The following NELL1 variants were observed in gnomAD, a reference collection of about 807,000 sequenced individuals.
NELL1 encodes protein kinase C-binding protein NELL1.
Under a neutral mutation model 107.4 loss-of-function variants are expected in NELL1, and 76 were observed. The observed-to-expected ratio is 0.71, with a 90% CI of 0.59 to 0.86. NELL1 has a LOEUF of 0.86. Ranked by LOEUF, NELL1 falls within the 40% of genes least tolerant of loss-of-function variation. The pLI is 0.00. For synonymous variants in NELL1, 353 were observed against 341.2 expected (o/e 1.03, Z -0.38); for missense variants, 1,024 against 1,005.5 (o/e 1.02, Z -0.25).
Position 20,799,782 on chromosome 11 carries a change from G to A in NELL1, c.335+15952G>A, listed in dbSNP as rs7950218. 5.0e-3 allele frequency among the ~76,000 whole-genome samples: 759 copies of A among 152,196 alleles called. 5 individuals carry two copies. The highest frequency in any genetic ancestry group is 0.017 in the African/African-American group (718 of 41,512). On this transcript the variant is annotated intron_variant, in intron 3 of 19. Transcript: ENST00000357134. The stretch of plus-strand genomic sequence containing the variant: ...GGATATGGAGATATGAATGACTTTG[G>A]GATACAGATGGTCCCATCACCCATG...
intron 15 of NELL1, among the ~76,000 whole-genome samples, chr11:21,473,702 T>A (rs1447224426): frequency 6.6e-6 from 1 of 152,026 alleles, no homozygotes; most frequent in Non-Finnish European, 1.5e-5. Flanking sequence ...GCAAGATAAT[T>A]TGTATGCGAT....
chr11:20,724,884 G>A (rs531137425), intron 2 of NELL1, among the ~76,000 whole-genome samples: 49 of 152,274 alleles, frequency 3.2e-4, no homozygotes, highest in African/African-American at 1.2e-3. Context: ...ATAAAGAAAG[G>A]TTTAATTGAC....
At chr11:20,968,744 C>T (rs1264482948) in intron 12 of NELL1, among the ~76,000 whole-genome samples, 2 of 152,316 alleles carry the variant, frequency 1.3e-5, no homozygotes, top group South Asian at 4.1e-4. Context: ...CCCCTCAAAA[C>T]CATGATTCAG....
chr11:21,526,353 C>T (rs73469196), intron 15 of NELL1, among the ~76,000 whole-genome samples: 6,559 of 152,284 alleles, frequency 0.043, 467 homozygotes, highest in African/African-American at 0.15. Flanking sequence ...CACCCCTCTC[C>T]ACTAGCTGCT....
At chr11:20,672,765 G>A (rs886753991) in intron 1 of NELL1, among the ~76,000 whole-genome samples, 1 of 152,088 alleles carries the variant, frequency 6.6e-6, no homozygotes, top group East Asian at 1.9e-4. Flanking sequence ...GGTCACCAGG[G>A]CAGAGGGTGA....
intron 9 of NELL1, 114 bp from the exon 10 acceptor site, chr11:20,937,672 G>GCTCAGAAGCAGATT: frequency 1.3e-6 from 1 of 747,160 alleles, no homozygotes; most frequent in Non-Finnish European, 2.4e-6. Flanking sequence ...GATTTGTATT[G>GCTCAGAAGCAGATT]CTCAGAAGCA....
At chr11:21,146,507 G>A (rs1427349404) in intron 13 of NELL1, among the ~76,000 whole-genome samples, 2 of 152,182 alleles carry the variant, frequency 1.3e-5, no homozygotes, top group African/African-American at 2.4e-5. Flanking sequence ...GTGGTCGTAA[G>A]AGTGACACCA....
intron 3 of NELL1, among the ~76,000 whole-genome samples, chr11:20,810,020 C>T (rs1857465901): frequency 6.6e-6 from 1 of 152,102 alleles, no homozygotes; most frequent in Admixed American, 6.6e-5. Flanking sequence ...TCCTTGCCAG[C>T]ACTTGCTATC....
chr11:21,168,444 A>G (rs930357560), intron 13 of NELL1, among the ~76,000 whole-genome samples: 2 of 151,812 alleles, frequency 1.3e-5, no homozygotes, highest in Non-Finnish European at 2.9e-5. Context: ...CAGCTATCAC[A>G]TCCTCCTCCC....
intron 15 of NELL1, among the ~76,000 whole-genome samples, chr11:21,474,687 T>TTACA (rs1410481851): frequency 6.6e-6 from 1 of 152,070 alleles, no homozygotes; most frequent in Admixed American, 6.6e-5. Flanking sequence ...GTAGAGAGTT[T>TTACA]TACATAAGCA....
chr11:20,796,001 T>C (rs78967715), intron 3 of NELL1, among the ~76,000 whole-genome samples: 5,111 of 152,226 alleles, frequency 0.034, 282 homozygotes, highest in African/African-American at 0.12. Flanking sequence ...TACCACATCA[T>C]AGAGTTATTG....
rs1852963224 is a variant in NELL1 at position 21,431,438 on chromosome 11, C to A, written c.1645+60490C>A. ...AATTTGTTTTGTTCACTAATATTTC[C>A]CAAGTACCTTGAATAATGTCTAGCA... On this transcript the variant is annotated intron_variant, in intron 15 of 19. Coordinates refer to ENST00000357134, the MANE Select transcript of NELL1 (RefSeq NM_006157.5). Among the ~76,000 whole-genome samples the A allele has an allele frequency of 2.0e-5, 3 of 152,040 alleles. No homozygotes were observed. The South Asian group carries it at 6.2e-4, about 32-fold the overall frequency.
chr11:21,428,638 T>A (rs2133830845), intron 15 of NELL1, among the ~76,000 whole-genome samples: 1 of 152,328 alleles, frequency 6.6e-6, no homozygotes, highest in Admixed American at 6.5e-5. Context: ...ACTTAGAATT[T>A]GTTTGTTTGC....
At chr11:21,329,448 C>T (rs181985073) in intron 14 of NELL1, among the ~76,000 whole-genome samples, 5 of 152,088 alleles carry the variant, frequency 3.3e-5, no homozygotes, top group South Asian at 4.2e-4. Flanking sequence ...CTTGAGTATG[C>T]CTTTATTAGC....
chr11:21,272,575 C>T (rs549687520), intron 14 of NELL1, among the ~76,000 whole-genome samples: 1 of 152,354 alleles, frequency 6.6e-6, no homozygotes, highest in East Asian at 1.9e-4. Context: ...CAGCACGCAG[C>T]TGGACATCTG....
chr11:21,242,738 T>A (rs1858396235), intron 14 of NELL1, among the ~76,000 whole-genome samples: 1 of 152,146 alleles, frequency 6.6e-6, no homozygotes, highest in Non-Finnish European at 1.5e-5. Flanking sequence ...ATCACCACTT[T>A]TCTCTGGCTT....
intron 12 of NELL1, among the ~76,000 whole-genome samples, chr11:21,102,427 G>T (rs1273092971): frequency 6.6e-6 from 1 of 152,120 alleles, no homozygotes; most frequent in Non-Finnish European, 1.5e-5. Flanking sequence ...CACATTAGGA[G>T]CCAGGTCTGC....
At chr11:21,332,281 T>C (rs988028061) in intron 14 of NELL1, among the ~76,000 whole-genome samples, 6 of 152,034 alleles carry the variant, frequency 3.9e-5, no homozygotes, top group African/African-American at 1.2e-4. Flanking sequence ...AAGTGTTCTC[T>C]GTACAGTTTC....
intron 16 of NELL1, among the ~76,000 whole-genome samples, chr11:21,542,493 AT>A (rs1340830441): frequency 1.3e-5 from 2 of 152,020 alleles, no homozygotes; most frequent in Non-Finnish European, 2.9e-5. Context: ...CTAGGGACTT[AT>A]TTTATTCACT....
Sources: allele counts gnomAD v4.1 joint callset (sites outside exome capture counted in the v4.1 genomes callset), GRCh38; gene constraint gnomAD v4.1.1; transcripts MANE v1.5; gene names NCBI Gene and HGNC (gene_info 2026-07-23, HGNC 2026-07-21).